Variants in SORL1 observed in about 807,000 individuals in gnomAD.
The protein encoded by SORL1 is sortilin related receptor 1.
Under a neutral mutation model 273.7 loss-of-function variants are expected in SORL1, and 127 were observed. The observed-to-expected ratio is 0.46, with a 90% CI of 0.40 to 0.54. SORL1 has a LOEUF of 0.54. SORL1 is among the 20% of genes least tolerant of loss of function. The pLI, the probability that SORL1 is intolerant of heterozygous loss-of-function variation, is 0.00. For missense variants in SORL1, 2,494 were observed against 2,846.1 expected, an observed-to-expected ratio of 0.88 and a Z score of 2.81; for synonymous variants, 1,031 against 1,067.4, an observed-to-expected ratio of 0.97 and a Z score of 0.66.
intron 3 of SORL1, among the ~76,000 whole-genome samples, chr11:121,482,613 C>T (rs1861409400): frequency 6.6e-6 from 1 of 152,244 alleles, no homozygotes; most frequent in Non-Finnish European, 1.5e-5. Context: ...CCCTGGAAGG[C>T]AAATTGCCCC....
At chr11:121,453,801 G>A (rs750421439) in intron 1 of SORL1, among the ~76,000 whole-genome samples, 4 of 152,184 alleles carry the variant, frequency 2.6e-5, no homozygotes, top group Admixed American at 1.3e-4. Flanking sequence ...AGGTCATACC[G>A]GGAAGGTGGC....
chr11:121,576,933 C>T, intron 24 of SORL1: 1 of 1,534,902 alleles, frequency 6.5e-7, no homozygotes, highest in Non-Finnish European at 8.7e-7. Context: ...TACTTCCTGG[C>T]CTCCTCTATC....
intron 27 of SORL1, among the ~76,000 whole-genome samples, chr11:121,587,552 G>A (rs944006166): frequency 6.6e-6 from 1 of 152,162 alleles, no homozygotes; most frequent in Non-Finnish European, 1.5e-5. Context: ...TCCAAATACA[G>A]TCAAATTGGG....
rs1861918012 is a variant in SORL1, at chr11:121,514,173, T to G, written c.1063T>G (p.Ser355Ala). Reference sequence around the variant, plus strand: ...AAAGGAATATTACATCGCAGATGCCTCCGAGGACCAGGTGTTTGTGTGTGT... The same window carrying G: ...AAAGGAATATTACATCGCAGATGCCGCCGAGGACCAGGTGTTTGTGTGTGT... ...PINEYYIADA[S>A]EDQVFVCVSH... is the part of the protein sequence containing the mutation. The change falls in exon 8 of 48, where the codon TCC becomes GCC. Residue 355 changes from serine (S) to alanine (A), a missense_variant. Around this residue, in one of 3 missense-constraint regions of SORL1, gnomAD observed 710 missense variants for 882.5 expected, o/e 0.80. Coordinates refer to ENST00000260197, the MANE Select transcript of SORL1 (RefSeq NM_003105.6). 1.2e-6 allele frequency: 2 copies of G among 1,613,690 alleles called. No homozygotes were observed. Among genetic ancestry groups the G allele is most frequent in the African/African-American group, 1.3e-5 (1 of 74,916 alleles).
chr11:121,597,751 C>T (rs1029369883), intron 32 of SORL1, among the ~76,000 whole-genome samples: 14 of 152,354 alleles, frequency 9.2e-5, no homozygotes, highest in South Asian at 2.1e-4. Context: ...TGAGCCACCA[C>T]GCCCGGTGAC....
chr11:121,461,587 T>C (rs1861001999), intron 1 of SORL1, among the ~76,000 whole-genome samples: 1 of 152,178 alleles, frequency 6.6e-6, no homozygotes, highest in Non-Finnish European at 1.5e-5. Flanking sequence ...GGTTCTGGGA[T>C]GTAATGTTTA....
chr11:121,487,270 C>T (rs186503257), intron 3 of SORL1, among the ~76,000 whole-genome samples: 3 of 152,302 alleles, frequency 2.0e-5, no homozygotes, highest in Non-Finnish European at 2.9e-5. Context: ...AGCTCCTGAG[C>T]GTCTGGTCCG....
chr11:121,573,667 A>G (rs1208454924), intron 23 of SORL1, among the ~76,000 whole-genome samples: 1 of 152,198 alleles, frequency 6.6e-6, no homozygotes, highest in African/African-American at 2.4e-5. Flanking sequence ...GCACTAGGAC[A>G]CATTATCTTA....
chr11:121,577,828 A>G (rs1862958783), intron 25 of SORL1, among the ~76,000 whole-genome samples: 1 of 152,212 alleles, frequency 6.6e-6, no homozygotes, highest in African/African-American at 2.4e-5. Context: ...GATTTTATTA[A>G]AAGTAAAGAT....
intron 17 of SORL1, 149 bp from the exon 18 acceptor site, chr11:121,555,038 C>A: frequency 1.3e-6 from 1 of 790,542 alleles, no homozygotes; most frequent in Non-Finnish European, 1.9e-6. Context: ...GAAAACCTGG[C>A]TTCATGTGTC....
At chr11:121,514,924 G>C (rs142724706) in intron 8 of SORL1, among the ~76,000 whole-genome samples, 1 of 152,150 alleles carries the variant, frequency 6.6e-6, no homozygotes, top group African/African-American at 2.4e-5. Context: ...CTTAAGATCC[G>C]TTCAGGGCCA....
rs1469175950 is a variant in SORL1 at position 121,595,580 on chromosome 11, C to T, written c.4370-43C>T. On this transcript the variant is annotated intron_variant, in intron 31 of 47. Coordinates refer to ENST00000260197, the MANE Select transcript of SORL1 (RefSeq NM_003105.6). This position sits in a 1 kb window ranked among gnomAD's most constrained non-coding sequence, Gnocchi z 5.1. ...GATTGGTTGCTGTTATTGGCCAGCT[C>T]CCTCAATATTAAAAAGTAAATTTTA... 3.9e-6 allele frequency: 6 copies of T among 1,522,624 alleles called. No individual in the cohort carries two copies. The East Asian group carries it at 1.2e-4, about 31-fold the overall frequency. The allele number at this position is 1,522,624 out of a possible 1,614,324, so 94.3% of individuals were successfully genotyped here.
chr11:121,497,213 G>A (rs1304151992), intron 6 of SORL1, among the ~76,000 whole-genome samples, 164 bp downstream of exon 6: 1 of 152,222 alleles, frequency 6.6e-6, no homozygotes, highest in African/African-American at 2.4e-5. Flanking sequence ...CGAACATTCC[G>A]AAAGGGCTTG....
intron 1 of SORL1, among the ~76,000 whole-genome samples, chr11:121,468,165 G>A (rs931835977): frequency 2.6e-5 from 4 of 152,112 alleles, no homozygotes; most frequent in Admixed American, 1.3e-4. Context: ...GTTTTCTGCC[G>A]CAGAGCCTTG....
chr11:121,476,042 C>G (rs1385778430), intron 2 of SORL1, among the ~76,000 whole-genome samples: 1 of 152,198 alleles, frequency 6.6e-6, no homozygotes, highest in East Asian at 1.9e-4. Flanking sequence ...GTATTACATA[C>G]TGAAAAATGC....
Position 121,543,683 on chromosome 11 carries a change from C to T in SORL1, c.1821C>T (p.Val607=), listed in dbSNP as rs746814788. The T allele has an allele frequency of 6.2e-7, 1 of 1,614,056 alleles. No homozygotes were observed. Among genetic ancestry groups the T allele is most frequent in the Non-Finnish European group, 8.5e-7 (1 of 1,179,982 alleles). The change falls in exon 13 of 48, where the codon GTC becomes GTT. Residue 607 remains valine (V), a synonymous_variant. Transcript: ENST00000260197. The stretch of plus-strand genomic sequence containing the variant: ...TCTTTGGCTCGAACAAAGAGAATGT[C>T]CACAGCTGGCTGATCCTCCAGGTCA... The part of the protein sequence containing the change: ...FTIFGSNKEN[V]HSWLILQVNA...
chr11:121,567,251 C>G, intron 22 of SORL1, 138 bp downstream of exon 22: 1 of 736,096 alleles, frequency 1.4e-6, no homozygotes, highest in Non-Finnish European at 2.2e-6. Context: ...TCAAACCTAC[C>G]AGATACTCAT....
At chr11:121,624,847 A>G (rs932396908) in intron 45 of SORL1, among the ~76,000 whole-genome samples, 1 of 152,014 alleles carries the variant, frequency 6.6e-6, no homozygotes, top group African/African-American at 2.4e-5. Flanking sequence ...CATTTCCACG[A>G]TATAGCTTGT....
chr11:121,560,998 C>G (rs1862664014), intron 21 of SORL1, among the ~76,000 whole-genome samples: 1 of 152,240 alleles, frequency 6.6e-6, no homozygotes, highest in African/African-American at 2.4e-5. Context: ...TCTTGCTTCT[C>G]AGCTCCAGTG....
Sources: allele counts gnomAD v4.1 joint callset (sites outside exome capture counted in the v4.1 genomes callset), GRCh38; gene constraint gnomAD v4.1.1; regional missense constraint gnomAD v4.1.1; non-coding constraint Gnocchi (gnomAD v3.1); transcripts MANE v1.5; gene names NCBI Gene and HGNC (gene_info 2026-07-23, HGNC 2026-07-21).